PGAP2: variants seen among roughly 807,000 people sequenced by gnomAD.
PGAP2 encodes post-GPI attachment to proteins 2.
Under a neutral mutation model 33.2 loss-of-function variants are expected in PGAP2, and 21 were observed. The observed-to-expected ratio is 0.63, with a 90% confidence interval of 0.45 to 0.91. PGAP2 has a LOEUF of 0.91. PGAP2 is among the 40% of genes least tolerant of loss of function. The pLI is 0.00. For missense variants in PGAP2, 345 were observed against 424.0 expected (o/e 0.81, Z 1.64); for synonymous variants, 161 against 172.9 (o/e 0.93, Z 0.54).
At chr11:3,818,972 A>G (rs1231369810) in intron 3 of PGAP2, among the ~76,000 whole-genome samples, 1 of 152,208 alleles carries the variant, frequency 6.6e-6, no homozygotes, top group African/African-American at 2.4e-5. Context: ...AACTTTTGAT[A>G]TTATCCAGAG....
intron 3 of PGAP2, among the ~76,000 whole-genome samples, chr11:3,819,989 C>T (rs2088142231): frequency 6.6e-6 from 1 of 152,144 alleles, no homozygotes; most frequent in East Asian, 1.9e-4. Context: ...GAGGCCTTCC[C>T]CAAACTCTGT....
chr11:3,814,905 G>GCCCTTTCCCTTT (rs369558503), intron 2 of PGAP2, among the ~76,000 whole-genome samples: 20 of 118,056 alleles, frequency 1.7e-4, no homozygotes, highest in Admixed American at 1.7e-3. Flanking sequence ...CCTTTCCCTT[G>GCCCTTTCCCTTT]CCCTTTCCCT....
At chr11:3,803,600 A>C (rs2083833536), upstream of PGAP2, among the ~76,000 whole-genome samples, 1 of 145,384 alleles carries the variant, frequency 6.9e-6, no homozygotes. Flanking sequence ...GCTAATTTTT[A>C]TATTTTTGGT....
At position 3,825,912 on chromosome 11, in the gene PGAP2, C is replaced by T. The variant is rs1158255613; in HGVS notation, c.*454C>T. 1.9e-5 allele frequency: 3 copies of T among 161,684 alleles called. No homozygotes were observed. Among genetic ancestry groups the T allele is most frequent in the Non-Finnish European group, 2.7e-5 (2 of 72,878 alleles). 10.0% of individuals were successfully genotyped at this position (161,684 alleles called of 1,614,324 possible). Reference sequence around the variant, plus strand: ...TACTGTGCACATCCAGGCCTGTGGCCACAGTCCCCTGCTAAAGTTGCTCAG... The same window carrying T: ...TACTGTGCACATCCAGGCCTGTGGCTACAGTCCCCTGCTAAAGTTGCTCAG... On this transcript the variant is annotated 3_prime_UTR_variant, in exon 7 of 7. Coordinates refer to ENST00000278243, the MANE Select transcript of PGAP2 (RefSeq NM_014489.4).
At position 3,797,983 on chromosome 11, in the gene PGAP2, G is replaced by A; in HGVS notation, c.139+1G>A. On this transcript the variant is annotated splice_donor_variant, in intron 1 of 6. Transcript: ENST00000300730. LOFTEE classifies it high-confidence loss of function. ...AGAGGGACGGCCCCAGAATGGCATG[G>A]TAACTATTCGACCCTTTCCTTGCCC... The A allele has an allele frequency of 6.5e-7, 1 of 1,545,576 alleles. No individual in the cohort carries two copies. The highest frequency in any genetic ancestry group is 1.2e-5 in the South Asian group (1 of 83,786).
chr11:3,817,262 A>G (rs2087254270), intron 2 of PGAP2, 91 bp from the exon 3 acceptor site: 10 of 962,930 alleles, frequency 1.0e-5, no homozygotes, highest in Middle Eastern at 3.3e-4. Context: ...GCTTTTCCTT[A>G]TACTCTGAGG....
chr11:3,824,744 G>A, intron 5 of PGAP2: 1 of 1,290,364 alleles, frequency 7.7e-7, no homozygotes, highest in Non-Finnish European at 1.0e-6. Context: ...AGTATTTGGA[G>A]GTGGGGTTGG....
upstream of PGAP2, among the ~76,000 whole-genome samples, chr11:3,804,555 C>A (rs1489806256): frequency 1.3e-5 from 2 of 152,192 alleles, no homozygotes; most frequent in Non-Finnish European, 1.5e-5. Context: ...CTACCCCAGC[C>A]ATGCTCACTG....
intron 1 of PGAP2, among the ~76,000 whole-genome samples, chr11:3,809,322 C>G (rs1432303318): frequency 6.6e-6 from 1 of 152,142 alleles, no homozygotes; most frequent in Non-Finnish European, 1.5e-5. Context: ...GTAGAATGAC[C>G]AAGTTGGAAG....
intron 1 of PGAP2, among the ~76,000 whole-genome samples, chr11:3,803,035 C>T (rs528916601): frequency 1.3e-5 from 2 of 150,176 alleles, no homozygotes; most frequent in African/African-American, 4.9e-5. Flanking sequence ...ACTCTGTCAC[C>T]CAGGCTGGAG....
chr11:3,824,641 A>G, intron 5 of PGAP2: 1 of 702,760 alleles, frequency 1.4e-6, no homozygotes, highest in Non-Finnish European at 2.3e-6. Flanking sequence ...GAGGAGTCGC[A>G]TCTAGGCGGC....
At chr11:3,814,736 C>CTTCTTTCT (rs2086382569) in intron 2 of PGAP2, among the ~76,000 whole-genome samples, 1 of 103,820 alleles carries the variant, frequency 9.6e-6, no homozygotes, top group African/African-American at 2.8e-5. Flanking sequence ...TCCTTCTTTC[C>CTTCTTTCT]TTCTTTCCTT....
intron 1 of PGAP2, among the ~76,000 whole-genome samples, chr11:3,798,895 G>T (rs2083029204): frequency 6.6e-6 from 1 of 152,004 alleles, no homozygotes; most frequent in South Asian, 2.1e-4. Flanking sequence ...CGCCCGCCTC[G>T]GCCTCCCACA....
At position 3,823,911 on chromosome 11, in the gene PGAP2, C is replaced by T. The variant is rs1565056746; in HGVS notation, c.377C>T (p.Ser126Leu). Residue 126 changes from serine to leucine, a missense_variant, in exon 4 of 7, where the codon TCA (serine) becomes TTA (leucine). Coordinates refer to ENST00000278243, the MANE Select transcript of PGAP2 (RefSeq NM_014489.4). ...GVPNYLPSVS[S>L]AIGGEVPQRY... ...CCCAATTACCTGCCCTCGGTGAGCT[C>T]AGCCATCGGCGGGGAGGTGCCCCAG... 1.2e-6 allele frequency: 2 copies of T among 1,605,536 alleles called. No homozygotes were observed. Among genetic ancestry groups the T allele is most frequent in the East Asian group, 2.2e-5 (1 of 44,872 alleles).
intron 2 of PGAP2, among the ~76,000 whole-genome samples, chr11:3,814,796 C>CTTTCT (rs2086526120): frequency 8.9e-6 from 1 of 112,638 alleles, no homozygotes; most frequent in African/African-American, 2.8e-5. Context: ...TTCTTTCTTT[C>CTTTCT]TTTCTTTCTT....
In PGAP2 at chr11:3,811,518, C is replaced by T; in HGVS notation, c.165+94C>T. On this transcript the variant is annotated intron_variant, in intron 2 of 6. Coordinates refer to ENST00000278243, the MANE Select transcript of PGAP2 (RefSeq NM_014489.4). The surrounding 1 kb of genome is among the most constrained non-coding windows in gnomAD (Gnocchi z 4.6). ...TTTAACAAGATTAGCCAGCTCTCCA[C>T]TGGGGCCCATCAAACATACGGGGCT... is the stretch of plus-strand genomic sequence containing the variant. 2 of 1,225,858 alleles carry T rather than the reference C, an allele frequency of 1.6e-6. No homozygotes were observed. Among genetic ancestry groups the T allele is most frequent in the Non-Finnish European group, 2.3e-6 (2 of 887,932 alleles). The allele number at this position is 1,225,858 out of a possible 1,614,324, so 75.9% of individuals were successfully genotyped here.
rs2135117430 is a variant in PGAP2, at chr11:3,826,077, T to C, written c.*619T>C. The C allele has an allele frequency of 6.5e-6, 1 of 152,882 alleles. No individual in the cohort carries two copies. Among genetic ancestry groups the C allele is most frequent in the South Asian group, 2.1e-4 (1 of 4,870 alleles). The allele number at this position is 152,882 out of a possible 1,614,324, so 9.5% of individuals were successfully genotyped here. On this transcript the variant is annotated 3_prime_UTR_variant, in exon 7 of 7. Coordinates refer to ENST00000278243, the MANE Select transcript of PGAP2 (RefSeq NM_014489.4). ...GATTTCCAAGGACTCTACCAGTCAG[T>C]GGTTCTGATGTCATCGGGTGGAGGT...
chr11:3,803,209 T>C (rs996346720), intron 1 of PGAP2, among the ~76,000 whole-genome samples: 2 of 151,894 alleles, frequency 1.3e-5, no homozygotes, highest in Non-Finnish European at 2.9e-5. Context: ...GCCAGGCTGA[T>C]CTTGAACTCC....
intron 3 of PGAP2, chr11:3,823,125 T>C: frequency 1.8e-6 from 1 of 550,640 alleles, no homozygotes; most frequent in South Asian, 2.5e-5. Flanking sequence ...CAAGCTCCGC[T>C]TCCCAGGTTC....
Sources: allele counts gnomAD v4.1 joint callset (sites outside exome capture counted in the v4.1 genomes callset), GRCh38; gene constraint gnomAD v4.1.1; non-coding constraint Gnocchi (gnomAD v3.1); transcripts MANE v1.5; gene names NCBI Gene and HGNC (gene_info 2026-07-23, HGNC 2026-07-21).